Variants in TMEM230 observed in about 807,000 individuals in gnomAD.
TMEM230 encodes the protein UPF0414 transmembrane protein C20orf30.
In TMEM230, 10 loss-of-function variants were observed where a neutral mutation model predicts 15.8. That is an observed-to-expected ratio of 0.63 (90% CI 0.39 to 1.07). The LOEUF is 1.07. TMEM230 is among the 50% of genes least tolerant of loss of function. The pLI, the probability that TMEM230 is intolerant of heterozygous loss-of-function variation, is 0.01. For missense variants in TMEM230, 165 were observed against 193.3 expected (o/e 0.85, Z 0.87); for synonymous variants, 67 against 76.9 (o/e 0.87, Z 0.68).
At position 5,068,972 on chromosome 20, in the gene TMEM230, C is replaced by T. The variant is rs146684166; in HGVS notation, c.*216G>A. 43 of 517,010 alleles carry T rather than the reference C, an allele frequency of 8.3e-5. No individual in the cohort carries two copies. The East Asian group carries it at 1.5e-3, about 18-fold the overall frequency. 32.0% of individuals were successfully genotyped at this position (517,010 alleles called of 1,614,324 possible). A position where few individuals can be genotyped will look rare whatever the true frequency, so the allele number is the denominator to read the frequency against. On this transcript the variant is annotated 3_prime_UTR_variant, in exon 4 of 4. Coordinates refer to the TMEM230 transcript ENST00000612323. ...AGTGGTCTGCGCCATTCTCACCATT[C>T]ACAAGAGGAGTTGCATAGGGGGTAG...
intron 3 of TMEM230, among the ~76,000 whole-genome samples, chr20:5,070,002 G>A (rs563471750): frequency 2.6e-5 from 4 of 152,276 alleles, no homozygotes; most frequent in East Asian, 1.9e-4. Context: ...GAGCCACTGC[G>A]CCCAGCAAAT....
At chr20:5,079,538 A>G (rs2089115648) in intron 3 of TMEM230, among the ~76,000 whole-genome samples, 2 of 152,128 alleles carry the variant, frequency 1.3e-5, no homozygotes, top group South Asian at 4.1e-4. Context: ...CCGAGGCTGG[A>G]GTGCAATGGC....
At chr20:5,082,267 G>T (rs989228028) in intron 3 of TMEM230, among the ~76,000 whole-genome samples, 2 of 151,228 alleles carry the variant, frequency 1.3e-5, no homozygotes, top group Non-Finnish European at 2.9e-5. Flanking sequence ...TCGAGACAGG[G>T]TCTTGCTCTG....
At chr20:5,064,084 T>C (rs2088630264), downstream of TMEM230, among the ~76,000 whole-genome samples, 1 of 151,762 alleles carries the variant, frequency 6.6e-6, no homozygotes. Context: ...CTGGCCAATA[T>C]GGTGAAACCC....
intron 3 of TMEM230, among the ~76,000 whole-genome samples, chr20:5,091,862 T>G (rs1484818885): frequency 6.6e-6 from 1 of 152,204 alleles, no homozygotes; most frequent in Non-Finnish European, 1.5e-5. Context: ...AGATTAAAGC[T>G]GACACTGTAA....
chr20:5,093,906 CAG>C (rs200758936), intron 3 of TMEM230, among the ~76,000 whole-genome samples: 289 of 152,120 alleles, frequency 1.9e-3, no homozygotes, highest in African/African-American at 6.5e-3. Flanking sequence ...TATCCCAAAA[CAG>C]GGGAAACTTG....
chr20:5,112,615 T>C (rs1226436237), intron 1 of TMEM230: 1 of 1,135,034 alleles, frequency 8.8e-7, no homozygotes, highest in Non-Finnish European at 1.1e-6. Flanking sequence ...CCAACAGGCT[T>C]TTTACCAGCT....
exon 4 of TMEM230, chr20:5,069,133 G>A: frequency 1.4e-6 from 2 of 1,382,304 alleles, no homozygotes; most frequent in Non-Finnish European, 1.9e-6. Flanking sequence ...TTATTCCTAG[G>A]ACATTTTCAG....
chr20:5,072,362 G>A (rs1021968537), intron 3 of TMEM230, among the ~76,000 whole-genome samples: 5 of 152,068 alleles, frequency 3.3e-5, no homozygotes, highest in African/African-American at 1.2e-4. Flanking sequence ...AGCCCCTTTC[G>A]AATCAAGTAG....
At chr20:5,098,695 C>G (rs2089738311), downstream of TMEM230, among the ~76,000 whole-genome samples, 1 of 152,036 alleles carries the variant, frequency 6.6e-6, no homozygotes, top group African/African-American at 2.4e-5. Flanking sequence ...GATTTCTGCT[C>G]TGATCCTATG....
downstream of TMEM230, among the ~76,000 whole-genome samples, chr20:5,099,244 CAATA>C (rs988706018): frequency 2.5e-5 from 1 of 40,104 alleles, no homozygotes; most frequent in Non-Finnish European, 6.1e-5. Context: ...ATCAATCAAT[CAATA>C]ATAAATAAAA....
the TMEM230 span, chr20:5,061,178 C>T: frequency 1.9e-4 from 29 of 152,150 alleles, no homozygotes; most frequent in African/African-American, 6.3e-4. Context: ...TTTCCCTCCT[C>T]TTTCTTGAAT....
the TMEM230 span, chr20:5,061,169 T>C: frequency 6.6e-6 from 1 of 152,206 alleles, no homozygotes; most frequent in Non-Finnish European, 1.5e-5. Flanking sequence ...ACCTTACTTT[T>C]TCCCTCCTCT....
downstream of TMEM230, chr20:5,068,216 G>A (rs542244537): frequency 6.6e-6 from 1 of 152,280 alleles, no homozygotes; most frequent in Non-Finnish European, 1.5e-5. Context: ...CCGTTTTAAG[G>A]CGTTTTCTCC....
In TMEM230 at chr20:5,111,607, T is replaced by TAGAAAAAAA. The variant is rs2090323960; in HGVS notation, c.69-3_69-2insTTTTTTTCT. ...CTGGGCGACAGAACTAGACTCCATC[T>TAGAAAAAAA]AAAAAAAAAAAAAAAAAAAAAAAAA... On this transcript the variant is annotated splice_region_variant and splice_polypyrimidine_tract_variant and intron_variant, in intron 1 of 4. Transcript: ENST00000342308. The TAGAAAAAAA allele has an allele frequency of 1.7e-5, 1 of 58,734 alleles. No homozygotes were observed. The highest frequency in any genetic ancestry group is 2.9e-5 in the Non-Finnish European group (1 of 34,040). The allele number at this position is 58,734 out of a possible 1,614,324, so 3.6% of individuals were successfully genotyped here. A position where few individuals can be genotyped will look rare whatever the true frequency, so the allele number is the denominator to read the frequency against.
At chr20:5,070,589 A>G (rs1177312856) in intron 3 of TMEM230, among the ~76,000 whole-genome samples, 1 of 152,222 alleles carries the variant, frequency 6.6e-6, no homozygotes, top group African/African-American at 2.4e-5. Flanking sequence ...CCTGATCCAG[A>G]TGCGCAAAGG....
intron 3 of TMEM230, among the ~76,000 whole-genome samples, chr20:5,080,723 C>T (rs1019659868): frequency 2.0e-5 from 3 of 152,114 alleles, no homozygotes; most frequent in African/African-American, 4.8e-5. Context: ...TGCGCCACCA[C>T]GCCAGGCTAA....
the TMEM230 span, among the ~76,000 whole-genome samples, chr20:5,061,914 C>T: frequency 3.3e-5 from 5 of 152,180 alleles, no homozygotes; most frequent in African/African-American, 9.6e-5. Flanking sequence ...TGTGCTTTTT[C>T]CTCCTCTTAG....
intron 3 of TMEM230, among the ~76,000 whole-genome samples, chr20:5,086,653 T>TTAAA (rs1424055431): frequency 2.0e-5 from 3 of 151,768 alleles, no homozygotes; most frequent in African/African-American, 7.3e-5. Flanking sequence ...GAGTCTTTAA[T>TTAAA]ATTTTGCTTA....
Sources: allele counts gnomAD v4.1 joint callset (sites outside exome capture counted in the v4.1 genomes callset), GRCh38; gene constraint gnomAD v4.1.1; transcripts MANE v1.5; gene names NCBI Gene and HGNC (gene_info 2026-07-23, HGNC 2026-07-21).